PGCKA1: variants seen among roughly 807,000 people sequenced by gnomAD.
PGCKA1 encodes PDCD10 and GCKIII kinases-associated protein 1.
At chr4:37,533,395 A>G in the PGCKA1 span, among the ~76,000 whole-genome samples, 2 of 152,202 alleles carry the variant, frequency 1.3e-5, no homozygotes, top group African/African-American at 4.8e-5. Flanking sequence ...CTAGAAATAC[A>G]CTTGTGATCT....
At chr4:37,489,109 TG>T in the PGCKA1 span, among the ~76,000 whole-genome samples, 1 of 151,886 alleles carries the variant, frequency 6.6e-6, no homozygotes, top group East Asian at 1.9e-4. Context: ...AAGAAGGAAA[TG>T]GGGATTGCTG....
At chr4:37,496,514 T>C in the PGCKA1 span, among the ~76,000 whole-genome samples, 1 of 152,238 alleles carries the variant, frequency 6.6e-6, no homozygotes, top group African/African-American at 2.4e-5. Flanking sequence ...AGCCCTTTAG[T>C]AGAGTTTGAC....
At chr4:37,562,536 C>T in the PGCKA1 span, among the ~76,000 whole-genome samples, 3 of 152,092 alleles carry the variant, frequency 2.0e-5, no homozygotes, top group African/African-American at 7.2e-5. Context: ...GTCAGTAATC[C>T]AGGTACAAAA....
At chr4:37,510,616 G>T in the PGCKA1 span, among the ~76,000 whole-genome samples, 1 of 149,786 alleles carries the variant, frequency 6.7e-6, no homozygotes, top group Non-Finnish European at 1.5e-5. Flanking sequence ...GTGACACAGT[G>T]CCCCCTGTGA....
the PGCKA1 span, among the ~76,000 whole-genome samples, chr4:37,567,285 A>G: frequency 6.6e-6 from 1 of 152,212 alleles, no homozygotes; most frequent in African/African-American, 2.4e-5. Context: ...TTAATACATG[A>G]AAGATGAAAG....
chr4:37,489,482 T>C, the PGCKA1 span, among the ~76,000 whole-genome samples: 1 of 152,186 alleles, frequency 6.6e-6, no homozygotes, highest in African/African-American at 2.4e-5. Context: ...AATTAATTTT[T>C]CAAATGTGAA....
chr4:37,546,511 A>G, the PGCKA1 span, among the ~76,000 whole-genome samples: 1 of 152,236 alleles, frequency 6.6e-6, no homozygotes, highest in African/African-American at 2.4e-5. Context: ...CCTTTCACGT[A>G]CAATCTTTAG....
chr4:37,527,104 A>AAT, the PGCKA1 span, among the ~76,000 whole-genome samples: 2,449 of 151,858 alleles, frequency 0.016, 78 homozygotes, highest in African/African-American at 0.056. Context: ...AATTAAAAAA[A>AAT]ATTAATTAAA....
chr4:37,520,883 C>T, the PGCKA1 span, among the ~76,000 whole-genome samples: 1 of 152,222 alleles, frequency 6.6e-6, no homozygotes, highest in African/African-American at 2.4e-5. Context: ...TCCCAAAGTG[C>T]TGGGATTACA....
At chr4:37,548,258 T>G in the PGCKA1 span, among the ~76,000 whole-genome samples, 2 of 152,166 alleles carry the variant, frequency 1.3e-5, no homozygotes, top group Non-Finnish European at 2.9e-5. Flanking sequence ...AGAAACAGTT[T>G]ATGTGCAAGG....
At chr4:37,545,772 A>G in the PGCKA1 span, among the ~76,000 whole-genome samples, 7 of 151,996 alleles carry the variant, frequency 4.6e-5, no homozygotes, top group Non-Finnish European at 8.8e-5. Flanking sequence ...GAAACTCTGT[A>G]TATTGTCCTC....
At chr4:37,510,000 GGGGAGA>G in the PGCKA1 span, among the ~76,000 whole-genome samples, 6 of 150,512 alleles carry the variant, frequency 4.0e-5, no homozygotes, top group Non-Finnish European at 5.9e-5. Flanking sequence ...GGAGGGGGAG[GGGGAGA>G]GGGAGAGGGA....
chr4:37,564,474 C>G, the PGCKA1 span, among the ~76,000 whole-genome samples: 1 of 151,106 alleles, frequency 6.6e-6, no homozygotes, highest in Non-Finnish European at 1.5e-5. Flanking sequence ...TGAAAGTTAC[C>G]ATGCACTGAT....
At chr4:37,564,726 C>T in the PGCKA1 span, among the ~76,000 whole-genome samples, 7 of 152,010 alleles carry the variant, frequency 4.6e-5, no homozygotes, top group Non-Finnish European at 1.0e-4. Flanking sequence ...AGGCTGGTCT[C>T]GAACTCCTGA....
chr4:37,469,202 T>C, the PGCKA1 span, among the ~76,000 whole-genome samples: 3 of 152,334 alleles, frequency 2.0e-5, no homozygotes, highest in African/African-American at 7.2e-5. Context: ...TACACTCTGA[T>C]GTTTGCACAA....
At chr4:37,461,416 C>T in the PGCKA1 span, among the ~76,000 whole-genome samples, 1 of 151,956 alleles carries the variant, frequency 6.6e-6, no homozygotes, top group African/African-American at 2.4e-5. Flanking sequence ...GGCAATATGG[C>T]TATTTTCAAG....
At chr4:37,480,635 A>C in the PGCKA1 span, among the ~76,000 whole-genome samples, 1 of 152,224 alleles carries the variant, frequency 6.6e-6, no homozygotes, top group Non-Finnish European at 1.5e-5. Context: ...CTGTGTGTGG[A>C]GAAGTTCATG....
chr4:37,542,243 G>T, the PGCKA1 span, among the ~76,000 whole-genome samples: 1 of 152,134 alleles, frequency 6.6e-6, no homozygotes, highest in Non-Finnish European at 1.5e-5. Flanking sequence ...GCACCACTAT[G>T]CAAAAGTGTC....
the PGCKA1 span, among the ~76,000 whole-genome samples, chr4:37,508,426 T>C: frequency 2.6e-4 from 39 of 152,150 alleles, no homozygotes; most frequent in African/African-American, 8.7e-4. Flanking sequence ...TTTGACTGTG[T>C]ATTTTCAAAT....
Sources: gnomAD v4.1 joint callset for allele counts (sites outside exome capture counted in the v4.1 genomes callset) on GRCh38, gnomAD v4.1.1 for gene constraint, MANE v1.5 for transcripts, NCBI Gene and HGNC (gene_info 2026-07-23, HGNC 2026-07-21) for gene names.